The following XIRP2 variants were observed in gnomAD, a reference collection of about 807,000 sequenced individuals.
XIRP2 encodes the protein xin actin binding repeat containing 2, also known as xin actin-binding repeat-containing protein 2.
XIRP2 carries 236 observed loss-of-function variants against 277.0 expected under a neutral mutation model. The ratio of observed to expected loss-of-function variants is 0.85; its 90% CI spans 0.77 to 0.95. The LOEUF is 0.95. XIRP2 is among the 40% of genes least tolerant of loss of function. The probability of loss-of-function intolerance (pLI) is 0.00; values close to 1 mark genes in which losing one functional copy is unlikely to be tolerated. For synonymous variants in XIRP2, 1,490 were observed against 1,416.5 expected, an observed-to-expected ratio of 1.05 and a Z score of -1.17; for missense variants, 4,640 against 4,157.5, an observed-to-expected ratio of 1.12 and a Z score of -3.19.
At chr2:167,133,525 T>A (rs1691446282) in intron 2 of XIRP2, among the ~76,000 whole-genome samples, 1 of 152,236 alleles carries the variant, frequency 6.6e-6, no homozygotes, top group Non-Finnish European at 1.5e-5. Context: ...GTTAATGTCA[T>A]CACCAGCTGA....
intron 2 of XIRP2, among the ~76,000 whole-genome samples, chr2:167,087,808 G>A (rs529403865): frequency 4.1e-4 from 62 of 151,950 alleles, no homozygotes; most frequent in African/African-American, 1.3e-3. Flanking sequence ...GCTCGCGCAC[G>A]GTGCGTGCAC....
chr2:167,141,031 G>A (rs936030397), intron 3 of XIRP2: 5 of 152,126 alleles, frequency 3.3e-5, no homozygotes, highest in African/African-American at 1.2e-4. Context: ...ACCTTGGAAT[G>A]CTGGAAAATT....
chr2:167,196,025 C>G (rs1559015994), intron 3 of XIRP2, among the ~76,000 whole-genome samples: 1 of 152,098 alleles, frequency 6.6e-6, no homozygotes, highest in Non-Finnish European at 1.5e-5. Context: ...ACTTTTGCTC[C>G]CATTCCCAGG....
chr2:167,126,009 C>T (rs76287195), intron 2 of XIRP2, among the ~76,000 whole-genome samples: 7,626 of 152,176 alleles, frequency 0.05, 293 homozygotes, highest in African/African-American at 0.11. Context: ...CAGAATGGAG[C>T]ACCTACAAAT....
At chr2:167,184,763 A>G (rs1234638835) in intron 3 of XIRP2, 15 of 633,006 alleles carry the variant, frequency 2.4e-5, no homozygotes, top group Admixed American at 2.2e-4. Flanking sequence ...CCATGACAGC[A>G]TTGGCCTGAT....
chr2:167,087,274 C>T (rs1343340385), intron 2 of XIRP2, among the ~76,000 whole-genome samples: 1 of 152,032 alleles, frequency 6.6e-6, no homozygotes, highest in Non-Finnish European at 1.5e-5. Flanking sequence ...GGGTCAGGGA[C>T]CCACTTGAGG....
chr2:167,164,363 G>A (rs1410628195), intron 3 of XIRP2, among the ~76,000 whole-genome samples: 2 of 148,798 alleles, frequency 1.3e-5, no homozygotes, highest in South Asian at 2.1e-4. Context: ...GGAGAATGGC[G>A]TGAACCCGGG....
Position 167,248,255 on chromosome 2 carries a change from C to T in XIRP2, c.6863C>T (p.Pro2288Leu). 6.2e-7 allele frequency: 1 copy of T among 1,612,316 alleles called. No individual in the cohort carries two copies. Among genetic ancestry groups the T allele is most frequent in the African/African-American group, 1.3e-5 (1 of 74,488 alleles). Residue 2288 changes from proline to leucine, a missense_variant, in exon 9 of 11, where the codon CCC becomes CTC. Coordinates refer to ENST00000409195, the MANE Select transcript of XIRP2 (RefSeq NM_152381.6). ...AATAATGTAAAAGAAAGTGAGTGCC[C>T]CCTTCCACCTCCATCTCCACCTCCT... Reference protein sequence around the residue: ...PENNVKESECPLPPPSPPPPP... With the variant: ...PENNVKESECLLPPPSPPPPP...
At chr2:167,147,569 T>C (rs73017936) in intron 3 of XIRP2, among the ~76,000 whole-genome samples, 15,105 of 151,988 alleles carry the variant, frequency 0.099, 815 homozygotes, top group South Asian at 0.15. Context: ...AAGTTGTGGA[T>C]GACAAGGCTA....
chr2:166,945,725 G>A (rs2008068), intron 2 of XIRP2, among the ~76,000 whole-genome samples: 1 of 137,268 alleles, frequency 7.3e-6, no homozygotes, highest in South Asian at 2.3e-4. Context: ...AGGCTGGAGT[G>A]CAATAGTGTG....
At chr2:166,902,561 A>C (rs1684410312) in intron 1 of XIRP2, among the ~76,000 whole-genome samples, 1 of 152,078 alleles carries the variant, frequency 6.6e-6, no homozygotes, top group Admixed American at 6.6e-5. Flanking sequence ...TGTGGCAAAA[A>C]TTAGTGCTAG....
intron 2 of XIRP2, among the ~76,000 whole-genome samples, chr2:167,121,175 A>C (rs1253902332): frequency 6.6e-6 from 1 of 152,194 alleles, no homozygotes; most frequent in Admixed American, 6.5e-5. Context: ...CAACATAACT[A>C]TGTGGATATC....
At chr2:167,014,999 A>C (rs1687781826) in intron 2 of XIRP2, among the ~76,000 whole-genome samples, 1 of 151,706 alleles carries the variant, frequency 6.6e-6, no homozygotes, top group Non-Finnish European at 1.5e-5. Context: ...TTACACATCC[A>C]CGAGTCTCCT....
intron 2 of XIRP2, among the ~76,000 whole-genome samples, chr2:167,087,908 C>T (rs979235737): frequency 3.3e-5 from 5 of 152,174 alleles, no homozygotes; most frequent in Admixed American, 6.5e-5. Flanking sequence ...TCTTCTGCGT[C>T]GCTCACGCTG....
chr2:167,212,233 C>T (rs1694068133), intron 4 of XIRP2, among the ~76,000 whole-genome samples: 1 of 152,172 alleles, frequency 6.6e-6, no homozygotes, highest in African/African-American at 2.4e-5. Flanking sequence ...TCCTGCCAGT[C>T]TTCTTCGATG....
intron 3 of XIRP2, among the ~76,000 whole-genome samples, chr2:167,183,561 T>G (rs1693076428): frequency 6.6e-6 from 1 of 152,204 alleles, no homozygotes; most frequent in Non-Finnish European, 1.5e-5. Context: ...TTTCTGGTAT[T>G]GTATTTCTCA....
intron 2 of XIRP2, among the ~76,000 whole-genome samples, chr2:167,044,941 A>G (rs1417063140): frequency 1.3e-5 from 2 of 152,014 alleles, no homozygotes; most frequent in African/African-American, 2.4e-5. Flanking sequence ...TCAAATGCCT[A>G]AAGAAATTCT....
chr2:166,902,675 C>G (rs1684413504), intron 1 of XIRP2, among the ~76,000 whole-genome samples: 1 of 151,802 alleles, frequency 6.6e-6, no homozygotes, highest in Non-Finnish European at 1.5e-5. Context: ...TACCACAAAA[C>G]TCTCTAAAAC....
intron 2 of XIRP2, among the ~76,000 whole-genome samples, chr2:167,094,447 A>C (rs1462033707): frequency 2.0e-5 from 3 of 152,286 alleles, no homozygotes; most frequent in South Asian, 2.1e-4. Flanking sequence ...TTATGGATTT[A>C]GGTCTTACAT....
Sources: allele counts gnomAD v4.1 joint callset (sites outside exome capture counted in the v4.1 genomes callset), GRCh38; gene constraint gnomAD v4.1.1; transcripts MANE v1.5; gene names NCBI Gene and HGNC (gene_info 2026-07-23, HGNC 2026-07-21).